Variants in SUCO observed in about 807,000 individuals in gnomAD.
SUCO encodes SUN domain containing ossification factor.
Under a neutral mutation model 148.1 loss-of-function variants are expected in SUCO, and 57 were observed. That is an observed-to-expected ratio of 0.38 (90% CI 0.31 to 0.48). SUCO has a LOEUF of 0.48. Ranked by LOEUF, SUCO falls within the 20% of genes least tolerant of loss-of-function variation. The pLI is 0.96. For missense variants in SUCO, 1,331 were observed against 1,468.2 expected (o/e 0.91, Z 1.53); for synonymous variants, 470 against 502.7 (o/e 0.93, Z 0.87).
At chr1:172,572,819 C>CATAAGCCTGGAGCATTCGTTTATCT (rs1266299908) in intron 9 of SUCO, among the ~76,000 whole-genome samples, 1 of 146,948 alleles carries the variant, frequency 6.8e-6, no homozygotes, top group Non-Finnish European at 1.5e-5. Context: ...AGGGGTGGAA[C>CATAAGCCTGGAGCATTCGTTTATCT]ATAAGCCTGG....
In SUCO at chr1:172,557,373, T is replaced by C. The variant is rs747709918; in HGVS notation, c.537T>C (p.Ala179=). 2 of 1,614,060 alleles carry C rather than the reference T, an allele frequency of 1.2e-6. No individual in the cohort carries two copies. Among genetic ancestry groups the C allele is most frequent in the Admixed American group, 1.7e-5 (1 of 60,020 alleles). Reference sequence around the variant, plus strand: ...GTGATGTTGGTGAGGCCCTTGATGCTAGTGCTCCAATTGAACAACCTTCCT... The same window carrying C: ...GTGATGTTGGTGAGGCCCTTGATGCCAGTGCTCCAATTGAACAACCTTCCT... ...TDCDVGEALD[A]SAPIEQPSFV... is the part of the protein sequence containing the mutation. Residue 179 remains alanine (A), a synonymous_variant, in exon 5 of 24, where the codon GCT becomes GCC. Coordinates refer to ENST00000263688, the MANE Select transcript of SUCO (RefSeq NM_014283.5).
At chr1:172,559,197 G>C (rs78230391) in intron 6 of SUCO, among the ~76,000 whole-genome samples, 1 of 152,104 alleles carries the variant, frequency 6.6e-6, no homozygotes, top group Non-Finnish European at 1.5e-5. Flanking sequence ...TTTCCAAACT[G>C]ATTTTGTTGT....
chr1:172,532,533 A>C (rs774692815), upstream of SUCO: 3 of 1,613,848 alleles, frequency 1.9e-6, no homozygotes, highest in Admixed American at 5.0e-5. Context: ...TCAATGGGGC[A>C]GTCCATTGCC....
chr1:172,609,244 A>G, intron 23 of SUCO: 1 of 984,818 alleles, frequency 1.0e-6, no homozygotes, highest in Non-Finnish European at 1.2e-6. Context: ...AAAAACAGCA[A>G]CTCAGAATGT....
At chr1:172,602,453 TG>T (rs1336000926) in intron 21 of SUCO, 2 of 982,296 alleles carry the variant, frequency 2.0e-6, no homozygotes, top group African/African-American at 3.5e-5. Context: ...CTGAAATATT[TG>T]GTTGAGAAAG....
At chr1:172,561,134 C>T (rs909272196) in intron 6 of SUCO, among the ~76,000 whole-genome samples, 1 of 152,246 alleles carries the variant, frequency 6.6e-6, no homozygotes, top group African/African-American at 2.4e-5. Context: ...GGTATCTTGG[C>T]AGCTAGAGTT....
Position 172,609,833 on chromosome 1 carries a change from C to T in SUCO, c.3339C>T (p.Tyr1113=), listed in dbSNP as rs774626323. The T allele has an allele frequency of 8.8e-6, 14 of 1,596,432 alleles. No individual in the cohort carries two copies. The highest frequency in any genetic ancestry group is 1.8e-5 in the Admixed American group (1 of 55,352). ...SPEKKKKRCK[Y]KIEKIETIKP... Reference sequence around the variant, plus strand: ...TGTTGTAGAAGAAGCGCTGCAAGTACAAAATTGAAAAAATTGAGACCATAA... The same window carrying T: ...TGTTGTAGAAGAAGCGCTGCAAGTATAAAATTGAAAAAATTGAGACCATAA... Residue 1113 remains tyrosine, a synonymous_variant, in exon 24 of 24, where the codon TAC becomes TAT. Coordinates refer to ENST00000263688, the MANE Select transcript of SUCO (RefSeq NM_014283.5).
At chr1:172,532,446 G>T (rs1344468840), upstream of SUCO, 2 of 1,568,420 alleles carry the variant, frequency 1.3e-6, no homozygotes, top group Non-Finnish European at 8.7e-7. Context: ...AAGAAAAAGC[G>T]AAAGGTTTTC....
chr1:172,568,387 G>C, intron 6 of SUCO: 1 of 951,686 alleles, frequency 1.1e-6, no homozygotes, highest in Non-Finnish European at 1.2e-6. Flanking sequence ...ATGTATTGCA[G>C]ATACTTCTCT....
intron 22 of SUCO, chr1:172,607,973 ATTGT>A (rs927091445): frequency 5.5e-5 from 27 of 494,144 alleles, no homozygotes; most frequent in African/African-American, 3.4e-4. Context: ...CAGACCTTAA[ATTGT>A]TTATTTTTAG....
rs1481809416 is a variant in SUCO, at chr1:172,571,679, G to A, written c.1049+949G>A. Among the ~76,000 whole-genome samples the A allele has an allele frequency of 1.3e-4, 15 of 114,304 alleles. No individual in the cohort carries two copies. The East Asian group carries it at 2.9e-3, about 22-fold the overall frequency. The allele number at this position is 114,304 out of a possible 152,430, so 75.0% of individuals were successfully genotyped here. ...GAGCTTCTCTGCCCGGCCGCCCATC[G>A]TCTGAGATGTGGGGAGCGCCTCTGC... is the stretch of plus-strand genomic sequence containing the variant. On this transcript the variant is annotated intron_variant, in intron 9 of 23. Transcript: ENST00000263688.
At chr1:172,588,046 G>A in intron 17 of SUCO, 1 of 975,792 alleles carries the variant, frequency 1.0e-6, no homozygotes, top group Non-Finnish European at 1.2e-6. Context: ...CATATCATAA[G>A]CCAGAATTGT....
chr1:172,580,478 T>A (rs1455520532), intron 15 of SUCO, among the ~76,000 whole-genome samples: 1 of 152,208 alleles, frequency 6.6e-6, no homozygotes, highest in Non-Finnish European at 1.5e-5. Flanking sequence ...ATGTGATGTA[T>A]TTTTTAGGAG....
At chr1:172,538,425 A>G (rs894105878) in intron 1 of SUCO, among the ~76,000 whole-genome samples, 1 of 152,208 alleles carries the variant, frequency 6.6e-6, no homozygotes, top group African/African-American at 2.4e-5. Context: ...AAAAAAATTT[A>G]AAAACTAGAA....
chr1:172,593,251 T>C (rs1485531119), intron 19 of SUCO, among the ~76,000 whole-genome samples: 1 of 152,216 alleles, frequency 6.6e-6, no homozygotes, highest in Non-Finnish European at 1.5e-5. Context: ...CTTTTCCTAA[T>C]TGAATACCCT....
chr1:172,571,475 C>A (rs908172230), intron 9 of SUCO, among the ~76,000 whole-genome samples: 1 of 151,692 alleles, frequency 6.6e-6, no homozygotes, highest in African/African-American at 2.4e-5. Context: ...TGTGCCCGGC[C>A]GCCACCCCGT....
upstream of SUCO, chr1:172,532,575 C>A (rs756018879): frequency 1.9e-6 from 3 of 1,613,958 alleles, no homozygotes; most frequent in Non-Finnish European, 2.5e-6. Flanking sequence ...GCTTCCCTCA[C>A]AACACACACG....
At chr1:172,532,439 A>G, upstream of SUCO, 2 of 1,544,156 alleles carry the variant, frequency 1.3e-6, no homozygotes, top group Non-Finnish European at 1.8e-6. Context: ...TGAAGAGAAG[A>G]AAAAGCGAAA....
intron 19 of SUCO, among the ~76,000 whole-genome samples, chr1:172,597,159 C>T (rs1486821148): frequency 2.0e-5 from 3 of 152,206 alleles, no homozygotes; most frequent in South Asian, 2.1e-4. Flanking sequence ...AGGGTGGGAG[C>T]GTCTCAATTT....
Sources: allele counts gnomAD v4.1 joint callset (sites outside exome capture counted in the v4.1 genomes callset), GRCh38; gene constraint gnomAD v4.1.1; transcripts MANE v1.5; gene names NCBI Gene and HGNC (gene_info 2026-07-23, HGNC 2026-07-21).